Variants in CFAP47 observed in about 807,000 individuals in gnomAD.
CFAP47 encodes cilia and flagella associated protein 47, also known as cilia- and flagella-associated protein 47.
A neutral mutation model predicts 148.1 loss-of-function variants in CFAP47; 29 were observed. That is an observed-to-expected ratio of 0.20 (90% confidence interval 0.15 to 0.27). CFAP47 has a LOEUF of 0.27. Ranked by LOEUF, CFAP47 falls within the 10% of genes least tolerant of loss-of-function variation. The pLI is 1.00. For missense variants in CFAP47, 1,872 were observed against 1,697.5 expected (o/e 1.10, Z -1.81); for synonymous variants, 664 against 577.3 (o/e 1.15, Z -2.15).
intron 29 of CFAP47, among the ~76,000 whole-genome samples, chrX:36,079,800 A>C (rs1426063514): frequency 8.9e-6 from 1 of 111,873 alleles, no homozygotes; most frequent in Non-Finnish European, 1.9e-5. Context: ...AAAGACTTAA[A>C]TGTTAGACCT....
At chrX:36,268,989 C>T (rs1246791834) in intron 49 of CFAP47, among the ~76,000 whole-genome samples, 1 of 111,516 alleles carries the variant, frequency 9.0e-6, no homozygotes, top group Non-Finnish European at 1.9e-5. Flanking sequence ...AAATTCTGAA[C>T]CTTTAGAAGA....
chrX:36,213,913 G>A (rs1294233320), intron 45 of CFAP47, among the ~76,000 whole-genome samples: 2 of 111,848 alleles, frequency 1.8e-5, no homozygotes, highest in Admixed American at 9.6e-5. Context: ...ATAGAAACAA[G>A]GAAGGGAAGG....
chrX:36,038,057 A>C (rs1305222976), intron 24 of CFAP47, among the ~76,000 whole-genome samples: 2 of 111,370 alleles, frequency 1.8e-5, no homozygotes, highest in Non-Finnish European at 3.8e-5. Flanking sequence ...GATCAGGTAA[A>C]GGGCTTATTT....
chrX:35,986,459 G>A lies in CFAP47; in HGVS notation c.2714-2860G>A, dbSNP rs777160173. Among the ~76,000 whole-genome samples the A allele has an allele frequency of 4.6e-5, 5 of 108,539 alleles. No individual in the cohort carries two copies. The East Asian group carries it at 1.5e-3, about 32-fold the overall frequency. The allele number at this position is 108,539 out of a possible 115,157, so 94.3% of individuals were successfully genotyped here. On this transcript the variant is annotated intron_variant, in intron 15 of 63. Coordinates refer to ENST00000378653, the MANE Select transcript of CFAP47 (RefSeq NM_001304548.2). ...GTGCTGTGTTTTTCAGCTCCATCAGGTCATTTATGTTCTTCTCTAAACTGG... is the reference window on the plus strand; with the variant it reads ...GTGCTGTGTTTTTCAGCTCCATCAGATCATTTATGTTCTTCTCTAAACTGG...
At chrX:36,235,676 C>T (rs1940452648) in intron 46 of CFAP47, among the ~76,000 whole-genome samples, 1 of 112,262 alleles carries the variant, frequency 8.9e-6, no homozygotes. Flanking sequence ...CCCGGTACCT[C>T]AGATGGAAAT....
intron 30 of CFAP47, among the ~76,000 whole-genome samples, chrX:36,096,876 T>A (rs901455421): frequency 7.2e-5 from 8 of 111,344 alleles, no homozygotes; most frequent in African/African-American, 2.6e-4. Flanking sequence ...TACTTCTGCC[T>A]TTTTAAAATT....
At chrX:36,149,578 T>C (rs6632501) in intron 37 of CFAP47, among the ~76,000 whole-genome samples, 9,200 of 104,792 alleles carry the variant, frequency 0.088, 421 homozygotes, top group East Asian at 0.29. Context: ...TTTAAAGATA[T>C]ATATATTTTA....
At chrX:36,333,246 C>T (rs1941579027) in intron 57 of CFAP47, among the ~76,000 whole-genome samples, 1 of 110,780 alleles carries the variant, frequency 9.0e-6, no homozygotes, top group Non-Finnish European at 1.9e-5. Context: ...ATTCTCACTC[C>T]TTTCCTAATC....
intron 49 of CFAP47, among the ~76,000 whole-genome samples, chrX:36,273,738 C>A (rs1174051492): frequency 9.0e-6 from 1 of 111,142 alleles, no homozygotes; most frequent in African/African-American, 3.3e-5. Context: ...TTATTTGCTG[C>A]ATTTCATTTG....
chrX:36,149,861 A>G (rs1308481513), intron 37 of CFAP47, among the ~76,000 whole-genome samples: 2 of 109,653 alleles, frequency 1.8e-5, no homozygotes, highest in Non-Finnish European at 3.8e-5. Context: ...CACTCACCTC[A>G]GCCTCCCAAA....
At chrX:36,229,438 T>A (rs1292406286) in intron 46 of CFAP47, among the ~76,000 whole-genome samples, 2 of 111,146 alleles carry the variant, frequency 1.8e-5, no homozygotes, top group Non-Finnish European at 3.8e-5. Flanking sequence ...AAGTGTGTCC[T>A]CTAAGGCCAT....
At chrX:36,299,470 A>G (rs899511626) in intron 52 of CFAP47, among the ~76,000 whole-genome samples, 1 of 111,966 alleles carries the variant, frequency 8.9e-6, no homozygotes, top group African/African-American at 3.2e-5. Context: ...AGGACTAGGG[A>G]TTAAACTTTC....
chrX:35,967,882 C>T (rs772761089), intron 10 of CFAP47, 50 bp downstream of exon 10: 1 of 768,332 alleles, frequency 1.3e-6, no homozygotes, highest in African/African-American at 2.1e-5. Context: ...TAATGGACAA[C>T]ACGACATGCA....
chrX:36,147,506 C>T (rs990242914), intron 36 of CFAP47, among the ~76,000 whole-genome samples: 2 of 112,466 alleles, frequency 1.8e-5, no homozygotes, highest in Non-Finnish European at 3.8e-5. Context: ...CTCTCTGGGA[C>T]TTAAAATCGC....
intron 21 of CFAP47, among the ~76,000 whole-genome samples, chrX:36,014,053 C>T (rs1375408931): frequency 9.0e-6 from 1 of 111,624 alleles, no homozygotes; most frequent in Non-Finnish European, 1.9e-5. Context: ...TAAAATTTTG[C>T]GTTCTCATCA....
intron 55 of CFAP47, among the ~76,000 whole-genome samples, chrX:36,310,108 C>T (rs1342317204): frequency 9.9e-6 from 1 of 100,671 alleles, no homozygotes; most frequent in Non-Finnish European, 2.0e-5. Context: ...TCCCTTTATT[C>T]ATCTGCACAT....
chrX:36,063,059 T>G (rs1937607292), intron 26 of CFAP47, among the ~76,000 whole-genome samples: 1 of 112,032 alleles, frequency 8.9e-6, no homozygotes, highest in Non-Finnish European at 1.9e-5. Flanking sequence ...ATATTCATTC[T>G]GATTTTTACC....
chrX:36,079,736 C>A (rs1363485162), intron 29 of CFAP47, among the ~76,000 whole-genome samples: 1 of 111,570 alleles, frequency 9.0e-6, no homozygotes, highest in African/African-American at 3.3e-5. Context: ...ATGTAGAAAG[C>A]TGAAACTGGA....
chrX:36,186,930 T>C (rs1555985770), intron 40 of CFAP47, among the ~76,000 whole-genome samples: 1 of 110,902 alleles, frequency 9.0e-6, no homozygotes, highest in East Asian at 2.8e-4. Context: ...ACTGTTCTTT[T>C]AATTCAACAA....
Sources: gnomAD v4.1 joint callset for allele counts (sites outside exome capture counted in the v4.1 genomes callset) on GRCh38, gnomAD v4.1.1 for gene constraint, MANE v1.5 for transcripts, NCBI Gene and HGNC (gene_info 2026-07-23, HGNC 2026-07-21) for gene names.